Variants in PPP1R21 observed in about 807,000 individuals in gnomAD.
PPP1R21 encodes the protein KLRAQ motif containing 1.
Under a neutral mutation model 112.8 loss-of-function variants are expected in PPP1R21, and 85 were observed. The observed-to-expected ratio is 0.75, with a 90% CI of 0.63 to 0.90. The LOEUF (loss-of-function observed/expected upper bound fraction) is 0.90, where lower values mean the gene tolerates loss of function less well. Among genes scored for constraint, PPP1R21 ranks in the 40% least tolerant of loss-of-function variants. The pLI, the probability that PPP1R21 is intolerant of heterozygous loss-of-function variation, is 0.00. For missense variants in PPP1R21, 1,199 were observed against 901.5 expected (o/e 1.33, Z -4.23); for synonymous variants, 381 against 322.3 (o/e 1.18, Z -1.95).
chr2:48,455,785 C>T (rs193184560), intron 3 of PPP1R21, among the ~76,000 whole-genome samples: 3 of 151,828 alleles, frequency 2.0e-5, no homozygotes, highest in South Asian at 4.1e-4. Flanking sequence ...GAGGCTGAGG[C>T]GGGCAGATCA....
chr2:48,463,038 G>A (rs1022198159), intron 7 of PPP1R21, among the ~76,000 whole-genome samples: 2 of 152,210 alleles, frequency 1.3e-5, no homozygotes, highest in African/African-American at 4.8e-5. Context: ...GAGAGACAAC[G>A]AGGTTAACTT....
At position 48,515,216 on chromosome 2, in the gene PPP1R21, T is replaced by TTCTCTGTC. The variant is rs1553350050; in HGVS notation, c.*477_*478insGTCTCTCT. ...TTCTTTTTAAAAGATTTGTTCATAT[T>TTCTCTGTC]TCTCTCTCTCTCTCTCTCTCTCTCT... is the stretch of plus-strand genomic sequence containing the variant. On this transcript the variant is annotated 3_prime_UTR_variant, in exon 22 of 22. Transcript: ENST00000294952. The TTCTCTGTC allele has an allele frequency of 7.3e-6, 1 of 136,890 alleles. No homozygotes were observed. Among genetic ancestry groups the TTCTCTGTC allele is most frequent in the South Asian group, 2.4e-4 (1 of 4,110 alleles). 8.5% of individuals were successfully genotyped at this position (136,890 alleles called of 1,614,324 possible). A position where few individuals can be genotyped will look rare whatever the true frequency, so the allele number is the denominator to read the frequency against.
At chr2:48,478,258 T>A (rs1486473039) in intron 12 of PPP1R21, among the ~76,000 whole-genome samples, 2 of 152,254 alleles carry the variant, frequency 1.3e-5, no homozygotes, top group Non-Finnish European at 2.9e-5. Flanking sequence ...TTGTGGTACT[T>A]CATTACAGCA....
intron 11 of PPP1R21, among the ~76,000 whole-genome samples, chr2:48,474,465 A>C (rs905303969): frequency 6.6e-6 from 1 of 152,214 alleles, no homozygotes; most frequent in Admixed American, 6.5e-5. Context: ...ATATGCCTTT[A>C]TCTGTTATTC....
chr2:48,511,366 T>A lies in PPP1R21; in HGVS notation c.2211T>A (p.Ser737Arg). 1 of 1,613,580 alleles carries A rather than the reference T, an allele frequency of 6.2e-7. No homozygotes were observed. The highest frequency in any genetic ancestry group is 1.7e-4 in the Middle Eastern group (1 of 6,058). ...ATGAGCTGACAACTACCAAGAGGAG[T>A]TACGAGGATCAGTTAAGTATGATGA... is the stretch of plus-strand genomic sequence containing the variant. ...LQDELTTTKR[S>R]YEDQLSMMSD... Residue 737 changes from serine to arginine, a missense_variant, in exon 21 of 22, where the codon AGT becomes AGA. By Grantham distance (110) the Ser-to-Arg change is moderately radical. Transcript: ENST00000294952.
intron 1 of PPP1R21, among the ~76,000 whole-genome samples, chr2:48,449,807 T>C (rs78051501): frequency 0.13 from 20,276 of 151,892 alleles, 1,514 homozygotes; most frequent in Admixed American, 0.2. Flanking sequence ...TCTCATTCTT[T>C]CAGTTTCTCA....
chr2:48,443,325 A>G (rs1667111889), intron 1 of PPP1R21, among the ~76,000 whole-genome samples: 1 of 152,190 alleles, frequency 6.6e-6, no homozygotes, highest in Non-Finnish European at 1.5e-5. Flanking sequence ...GAGAGGTTAG[A>G]TACAGTTGAG....
At chr2:48,472,361 C>T (rs1668556054) in intron 11 of PPP1R21, among the ~76,000 whole-genome samples, 1 of 151,634 alleles carries the variant, frequency 6.6e-6, no homozygotes, top group Admixed American at 6.6e-5. Flanking sequence ...TGTGGTGGCT[C>T]ATGCCTGTAG....
intron 7 of PPP1R21, 145 bp from the exon 8 acceptor site, chr2:48,464,792 T>C: frequency 1.8e-6 from 1 of 553,954 alleles, no homozygotes; most frequent in South Asian, 2.8e-5. Flanking sequence ...TGATTCTATG[T>C]AAATTCCATT....
chr2:48,506,926 C>T (rs978969869), intron 18 of PPP1R21, among the ~76,000 whole-genome samples: 4 of 132,884 alleles, frequency 3.0e-5, no homozygotes, highest in Non-Finnish European at 4.6e-5. Flanking sequence ...AGCCTGGTGA[C>T]GGAGTGAGAC....
In PPP1R21 at chr2:48,449,175, G is replaced by A. The variant is rs148175689; in HGVS notation, c.58-1833G>A. The stretch of plus-strand genomic sequence containing the variant: ...CAAGGTGTACAATGCCTTACACCAT[G>A]CAAACTATAATAAACATATCTGTTG... On this transcript the variant is annotated intron_variant, in intron 1 of 21. Coordinates refer to ENST00000294952, the MANE Select transcript of PPP1R21 (RefSeq NM_001135629.3). 5.9e-5 allele frequency among the ~76,000 whole-genome samples: 9 copies of A among 152,114 alleles called. No homozygotes were observed. The East Asian group carries it at 1.7e-3, about 29-fold the overall frequency.
chr2:48,514,915 A>T lies in PPP1R21; in HGVS notation c.*171A>T. 1 of 601,052 alleles carries T rather than the reference A, an allele frequency of 1.7e-6. No homozygotes were observed. The highest frequency in any genetic ancestry group is 2.9e-6 in the Non-Finnish European group (1 of 344,196). 37.2% of individuals were successfully genotyped at this position (601,052 alleles called of 1,614,324 possible). On this transcript the variant is annotated 3_prime_UTR_variant, in exon 22 of 22. Transcript: ENST00000294952. ...CTTGAAATATTTAAAACATATTTGT[A>T]ACCAGTGAGGCAAATACAGAAGTTG...
rs1429848998 is a variant in PPP1R21 at position 48,459,612 on chromosome 2, A to C, written c.376-142A>C. ...ACTTCTGATATCCTGTGAGGATTTA[A>C]TGAGATAATGCCTGTGTGGGTTTAA... On this transcript the variant is annotated intron_variant, in intron 4 of 21. Coordinates refer to ENST00000294952, the MANE Select transcript of PPP1R21 (RefSeq NM_001135629.3). The C allele has an allele frequency of 6.1e-6, 5 of 817,306 alleles. No individual in the cohort carries two copies. In the African/African-American group the frequency reaches 8.7e-5, roughly 14 times the overall value. The allele number at this position is 817,306 out of a possible 1,614,324, so 50.6% of individuals were successfully genotyped here. A position where few individuals can be genotyped will look rare whatever the true frequency, so the allele number is the denominator to read the frequency against.
At position 48,441,024 on chromosome 2, in the gene PPP1R21, T is replaced by G; in HGVS notation, c.57+14T>G. The G allele has an allele frequency of 6.3e-7, 1 of 1,591,378 alleles. No individual in the cohort carries two copies. The highest frequency in any genetic ancestry group is 8.6e-7 in the Non-Finnish European group (1 of 1,160,770). On this transcript the variant is annotated intron_variant, in intron 1 of 21. Coordinates refer to ENST00000294952, the MANE Select transcript of PPP1R21 (RefSeq NM_001135629.3). Reference sequence around the variant, plus strand: ...GAGTACTCGAAGGTACCCATCGTGGTCTGGGAGTAGGGGGTCCCCCGCCCT... The same window carrying G: ...GAGTACTCGAAGGTACCCATCGTGGGCTGGGAGTAGGGGGTCCCCCGCCCT...
intron 12 of PPP1R21, 47 bp from the exon 13 acceptor site, chr2:48,479,877 G>A: frequency 8.8e-7 from 1 of 1,137,838 alleles, no homozygotes; most frequent in Non-Finnish European, 1.3e-6. Context: ...ACAATGGGCA[G>A]TCCATTTTTC....
At chr2:48,446,395 A>G (rs142711888) in intron 1 of PPP1R21, among the ~76,000 whole-genome samples, 13 of 152,328 alleles carry the variant, frequency 8.5e-5, no homozygotes, top group Non-Finnish European at 1.5e-4. Context: ...CCAGAGTTGT[A>G]GAGAGCAGGT....
chr2:48,502,976 A>G (rs925991274), intron 17 of PPP1R21, among the ~76,000 whole-genome samples: 23 of 152,056 alleles, frequency 1.5e-4, no homozygotes, highest in African/African-American at 5.1e-4. Context: ...TGCCGCGCCC[A>G]GCCTAGAAAC....
In PPP1R21 at chr2:48,448,415, G is replaced by GT. The variant is rs1027129008; in HGVS notation, c.58-2585dup. 7.9e-5 allele frequency among the ~76,000 whole-genome samples: 12 copies of GT among 152,048 alleles called. No individual in the cohort carries two copies. In the South Asian group the frequency reaches 2.3e-3, roughly 29 times the overall value. ...GTGTGCCTTAGAAATGAAAGATGAG[G>GT]TTTTTTTTCTTAAAATTAATTGCTG... On this transcript the variant is annotated intron_variant, in intron 1 of 21. Transcript: ENST00000294952.
intron 3 of PPP1R21, chr2:48,457,910 C>T (rs771527358): frequency 2.3e-5 from 11 of 481,040 alleles, no homozygotes; most frequent in Non-Finnish European, 4.5e-5. Context: ...TTTTCTCTCT[C>T]TTTTTAAAGC....
Sources: gnomAD v4.1 joint callset for allele counts (sites outside exome capture counted in the v4.1 genomes callset) on GRCh38, gnomAD v4.1.1 for gene constraint, MANE v1.5 for transcripts, NCBI Gene and HGNC (gene_info 2026-07-23, HGNC 2026-07-21) for gene names.